INPP4B: variants seen among roughly 807,000 people sequenced by gnomAD.
INPP4B encodes inositol polyphosphate-4-phosphatase type II B.
INPP4B carries 55 observed loss-of-function variants against 122.5 expected under a neutral mutation model. The ratio of observed to expected loss-of-function variants is 0.45; its 90% CI spans 0.36 to 0.56. The LOEUF is 0.56. Among genes scored for constraint, INPP4B ranks in the 20% least tolerant of loss-of-function variants. The pLI is 0.00. For synonymous variants in INPP4B, 403 were observed against 388.7 expected, an observed-to-expected ratio of 1.04 and a Z score of -0.43; for missense variants, 1,000 against 1,097.7, an observed-to-expected ratio of 0.91 and a Z score of 1.26.
rs114703645 is a variant in INPP4B, at chr4:142,797,459, G to A, written c.-254+48750C>T. Among the ~76,000 whole-genome samples the A allele has an allele frequency of 5.8e-3, 884 of 152,052 alleles. 6 individuals are homozygous for A. The highest frequency in any genetic ancestry group is 0.02 in the African/African-American group (810 of 41,532). On this transcript the variant is annotated intron_variant, in intron 1 of 25. Transcript: ENST00000262992. ...TTCCTGGAACACAGAGCAAAAAGGC[G>A]AAGAGAAGAGAATTTGAGCTAAGAG...
chr4:142,138,449 A>T (rs1035997245), intron 18 of INPP4B, among the ~76,000 whole-genome samples: 1 of 150,248 alleles, frequency 6.7e-6, no homozygotes, highest in Non-Finnish European at 1.5e-5. Flanking sequence ...TGATGAGTTA[A>T]TGGGTGCAGC....
chr4:142,490,763 A>G (rs1211742373), intron 2 of INPP4B, among the ~76,000 whole-genome samples: 1 of 152,062 alleles, frequency 6.6e-6, no homozygotes, highest in African/African-American at 2.4e-5. Flanking sequence ...CTCTGCTTTT[A>G]TGACTTTATA....
Position 142,105,326 on chromosome 4 carries a change from A to G in INPP4B, c.2374+2767T>C, listed in dbSNP as rs961119118. Among the ~76,000 whole-genome samples the G allele has an allele frequency of 1.1e-4, 17 of 152,212 alleles. 1 individual carries two copies. The highest frequency in any genetic ancestry group is 3.6e-4 in the African/African-American group (15 of 41,474). ...TGTTGATTGGCAACTTTAATTATCC[A>G]TTCCCCTATCCGCAATTACTAACTA... On this transcript the variant is annotated intron_variant, in intron 23 of 25. Coordinates refer to ENST00000262992, the MANE Select transcript of INPP4B (RefSeq NM_001101669.3).
At chr4:142,453,623 A>G (rs942779583) in intron 3 of INPP4B, among the ~76,000 whole-genome samples, 1 of 152,128 alleles carries the variant, frequency 6.6e-6, no homozygotes, top group African/African-American at 2.4e-5. Flanking sequence ...TGCAAAGAAT[A>G]TAATATGACA....
intron 2 of INPP4B, among the ~76,000 whole-genome samples, chr4:142,668,821 G>A (rs1345390767): frequency 6.6e-6 from 1 of 152,038 alleles, no homozygotes; most frequent in African/African-American, 2.4e-5. Flanking sequence ...GGCCGAGGTG[G>A]GCAGATCACG....
chr4:142,729,352 A>G (rs1240573006), intron 1 of INPP4B, among the ~76,000 whole-genome samples: 2 of 152,214 alleles, frequency 1.3e-5, no homozygotes, highest in Non-Finnish European at 1.5e-5. Flanking sequence ...GCTGCACGTG[A>G]CAAACTGACT....
intron 25 of INPP4B, among the ~76,000 whole-genome samples, chr4:142,064,071 GAATT>G (rs1233869052): frequency 3.3e-5 from 5 of 152,126 alleles, no homozygotes; most frequent in Admixed American, 2.6e-4. Context: ...CCATGATTTA[GAATT>G]AATTTCTAAT....
chr4:142,093,284 T>C (rs1430592559), intron 23 of INPP4B, among the ~76,000 whole-genome samples: 1 of 152,158 alleles, frequency 6.6e-6, no homozygotes, highest in African/African-American at 2.4e-5. Context: ...CCAGGTATTC[T>C]TCCTTTCATC....
At position 142,416,543 on chromosome 4, in the gene INPP4B, C is replaced by T. The variant is rs188947934; in HGVS notation, c.137-11219G>A. The stretch of plus-strand genomic sequence containing the variant: ...TATTGCTCAAATGCCAAATATTTTA[C>T]CAGTAGAATTAAATTATTAAATTGA... On this transcript the variant is annotated intron_variant, in intron 5 of 25. Coordinates refer to ENST00000262992, the MANE Select transcript of INPP4B (RefSeq NM_001101669.3). Among the ~76,000 whole-genome samples the T allele has an allele frequency of 4.6e-3, 701 of 151,762 alleles. 3 individuals carry two copies. The highest frequency in any genetic ancestry group is 0.024 in the Middle Eastern group (7 of 294).
intron 25 of INPP4B, among the ~76,000 whole-genome samples, chr4:142,053,152 T>C (rs1755588866): frequency 6.6e-6 from 1 of 151,930 alleles, no homozygotes; most frequent in Non-Finnish European, 1.5e-5. Context: ...CAACAGGGAC[T>C]GCGTGTGAAA....
chr4:142,250,018 T>A (rs1458224806), intron 11 of INPP4B, among the ~76,000 whole-genome samples: 2 of 152,246 alleles, frequency 1.3e-5, no homozygotes, highest in African/African-American at 4.8e-5. Context: ...CTTAATTTTA[T>A]GAGTTATATT....
At chr4:142,359,613 T>C (rs1320320841) in intron 7 of INPP4B, among the ~76,000 whole-genome samples, 1 of 151,994 alleles carries the variant, frequency 6.6e-6, no homozygotes, top group Non-Finnish European at 1.5e-5. Flanking sequence ...AATTCTTAAC[T>C]ATTTATCAGA....
chr4:142,794,540 G>T (rs1401523552), intron 1 of INPP4B, among the ~76,000 whole-genome samples: 2 of 151,718 alleles, frequency 1.3e-5, no homozygotes, highest in African/African-American at 4.8e-5. Flanking sequence ...AAAAACAAGA[G>T]AACATAATAT....
intron 16 of INPP4B, among the ~76,000 whole-genome samples, chr4:142,172,582 T>C (rs1826127529): frequency 6.6e-6 from 1 of 151,986 alleles, no homozygotes; most frequent in Non-Finnish European, 1.5e-5. Flanking sequence ...ACTCGAACTT[T>C]CTGAATAGAT....
At position 142,845,277 on chromosome 4, in the gene INPP4B, C is replaced by T. The variant is rs544021664; in HGVS notation, c.-254+932G>A. Among the ~76,000 whole-genome samples the T allele has an allele frequency of 8.5e-4, 130 of 152,260 alleles. 4 individuals are homozygous for T. The South Asian group carries it at 0.026, about 31-fold the overall frequency. ...TACTGCCCCCAAGGAAGGGAGAATTCAGAAGCGTGGGGAGGGGGAAAAACA... is the reference window on the plus strand; with the variant it reads ...TACTGCCCCCAAGGAAGGGAGAATTTAGAAGCGTGGGGAGGGGGAAAAACA... On this transcript the variant is annotated intron_variant, in intron 1 of 25. Coordinates refer to ENST00000262992, the MANE Select transcript of INPP4B (RefSeq NM_001101669.3).
chr4:142,746,766 T>G (rs1768819435), intron 1 of INPP4B, among the ~76,000 whole-genome samples: 2 of 152,120 alleles, frequency 1.3e-5, no homozygotes, highest in Middle Eastern at 3.2e-3. Context: ...AAAGCAGCAA[T>G]GGGGAAAGGA....
At chr4:142,468,588 CT>C (rs1261429781) in intron 2 of INPP4B, among the ~76,000 whole-genome samples, 2 of 152,056 alleles carry the variant, frequency 1.3e-5, no homozygotes, top group Non-Finnish European at 2.9e-5. Context: ...TAAGTGAGTC[CT>C]CACTTTGTTA....
chr4:142,712,983 G>T (rs953779364), intron 2 of INPP4B, among the ~76,000 whole-genome samples: 2 of 152,150 alleles, frequency 1.3e-5, no homozygotes, highest in African/African-American at 2.4e-5. Flanking sequence ...CCAGTGTTTT[G>T]CTAGAACCTA....
chr4:142,082,758 C>T (rs1260073118), intron 24 of INPP4B, among the ~76,000 whole-genome samples: 1 of 152,086 alleles, frequency 6.6e-6, no homozygotes, highest in Non-Finnish European at 1.5e-5. Flanking sequence ...ATAGAAATGG[C>T]CACTGTTTAT....
Sources: allele counts gnomAD v4.1 joint callset (sites outside exome capture counted in the v4.1 genomes callset), GRCh38; gene constraint gnomAD v4.1.1; transcripts MANE v1.5; gene names NCBI Gene and HGNC (gene_info 2026-07-23, HGNC 2026-07-21).